ERC2: variants seen among roughly 807,000 people sequenced by gnomAD.
ERC2 encodes the protein ELKS/RAB6-interacting/CAST family member 2.
A neutral mutation model predicts 114.8 loss-of-function variants in ERC2; 42 were observed. That is an observed-to-expected ratio of 0.37 (90% CI 0.29 to 0.47). The LOEUF (loss-of-function observed/expected upper bound fraction) is 0.47. ERC2 is among the 20% of genes least tolerant of loss of function. The pLI, the probability that ERC2 is intolerant of heterozygous loss-of-function variation, is 0.99. For missense variants in ERC2, 939 were observed against 1,150.7 expected (o/e 0.82, Z 2.66); for synonymous variants, 454 against 425.5 (o/e 1.07, Z -0.82).
At chr3:55,865,113 C>T (rs2062238758) in intron 14 of ERC2, among the ~76,000 whole-genome samples, 2 of 151,872 alleles carry the variant, frequency 1.3e-5, no homozygotes, top group African/African-American at 4.8e-5. Flanking sequence ...CTGAAAAAGC[C>T]CTTTGTATAT....
intron 7 of ERC2, among the ~76,000 whole-genome samples, chr3:56,071,542 G>A (rs1330009308): frequency 6.6e-6 from 1 of 152,116 alleles, no homozygotes; most frequent in Non-Finnish European, 1.5e-5. Flanking sequence ...AATAATATTG[G>A]GTTGTGTACA....
chr3:55,528,877 C>T (rs2053499557), intron 17 of ERC2, among the ~76,000 whole-genome samples: 1 of 152,092 alleles, frequency 6.6e-6, no homozygotes, highest in Non-Finnish European at 1.5e-5. Flanking sequence ...GCCAAATGTC[C>T]CTGGGGGTGG....
chr3:55,869,648 G>A (rs1269765923), intron 14 of ERC2, among the ~76,000 whole-genome samples: 1 of 152,002 alleles, frequency 6.6e-6, no homozygotes, highest in Non-Finnish European at 1.5e-5. Flanking sequence ...TGATACCCAG[G>A]TCTTTGGTCT....
At chr3:56,141,439 C>A (rs2080849199) in intron 5 of ERC2, among the ~76,000 whole-genome samples, 1 of 152,144 alleles carries the variant, frequency 6.6e-6, no homozygotes, top group Non-Finnish European at 1.5e-5. Flanking sequence ...CCTGTGACCA[C>A]CATGGTGTGA....
intron 13 of ERC2, among the ~76,000 whole-genome samples, chr3:55,938,739 G>T (rs1307849295): frequency 6.6e-6 from 1 of 152,156 alleles, no homozygotes. Flanking sequence ...TAATGACACA[G>T]GGACGCTCTG....
chr3:55,855,405 A>G (rs371398288), intron 14 of ERC2, among the ~76,000 whole-genome samples: 6 of 152,268 alleles, frequency 3.9e-5, no homozygotes, highest in Admixed American at 2.6e-4. Flanking sequence ...CCAAACATAC[A>G]GTATTTATAT....
At position 56,360,646 on chromosome 3, in the gene ERC2, G is replaced by A. The variant is rs143270457; in HGVS notation, c.658-64211C>T. ...CAGAAGGCCAGCCACAGTGGCTCAC[G>A]CCTGTAATCCCAACATCTTGGGAGG... On this transcript the variant is annotated intron_variant, in intron 2 of 17. Coordinates refer to ENST00000288221, the MANE Select transcript of ERC2 (RefSeq NM_015576.3). Among the ~76,000 whole-genome samples, 262 of 152,266 alleles carry A rather than the reference G, an allele frequency of 1.7e-3. 1 individual carries two copies. The highest frequency in any genetic ancestry group is 5.9e-3 in the African/African-American group (244 of 41,576).
chr3:55,680,856 G>A (rs2062023640), intron 17 of ERC2, among the ~76,000 whole-genome samples: 1 of 152,208 alleles, frequency 6.6e-6, no homozygotes, highest in Non-Finnish European at 1.5e-5. Context: ...GCAGAATATA[G>A]GAATATATGT....
At chr3:56,036,375 A>T (rs918243509) in intron 7 of ERC2, among the ~76,000 whole-genome samples, 4 of 152,198 alleles carry the variant, frequency 2.6e-5, no homozygotes, top group Non-Finnish European at 5.9e-5. Context: ...ACCTTGCTAC[A>T]ATTAGGCAAG....
chr3:55,729,228 G>A (rs1409911147), intron 15 of ERC2, among the ~76,000 whole-genome samples: 2 of 152,056 alleles, frequency 1.3e-5, no homozygotes, highest in Non-Finnish European at 2.9e-5. Context: ...TTGCCTCCTT[G>A]CTCACTCTAC....
intron 3 of ERC2, among the ~76,000 whole-genome samples, chr3:56,261,893 G>A (rs1310491713): frequency 6.6e-6 from 1 of 152,052 alleles, no homozygotes; most frequent in Non-Finnish European, 1.5e-5. Context: ...TCCCCAGTGT[G>A]TGTTGTTCCC....
chr3:55,926,883 C>T (rs894003605), intron 13 of ERC2, among the ~76,000 whole-genome samples: 21 of 152,160 alleles, frequency 1.4e-4, no homozygotes, highest in African/African-American at 4.8e-4. Flanking sequence ...TAATACAGTT[C>T]CTGGCACTCA....
chr3:55,780,014 CACAGGAA>C (rs2068912785), intron 14 of ERC2, among the ~76,000 whole-genome samples: 1 of 151,938 alleles, frequency 6.6e-6, no homozygotes, highest in Non-Finnish European at 1.5e-5. Context: ...GATATAAAAT[CACAGGAA>C]ACTAAGAATA....
chr3:55,664,526 C>T (rs1161846387), intron 17 of ERC2, among the ~76,000 whole-genome samples: 2 of 152,194 alleles, frequency 1.3e-5, no homozygotes, highest in African/African-American at 2.4e-5. Flanking sequence ...AGAGGAGACG[C>T]CAGGCGGTGT....
At chr3:55,912,731 C>G (rs899581518) in intron 13 of ERC2, among the ~76,000 whole-genome samples, 2 of 151,596 alleles carry the variant, frequency 1.3e-5, no homozygotes, top group Non-Finnish European at 2.9e-5. Flanking sequence ...TTTCTCATTA[C>G]TCAAACCCAA....
intron 17 of ERC2, among the ~76,000 whole-genome samples, chr3:55,570,852 G>A (rs1315461881): frequency 1.3e-5 from 2 of 152,168 alleles, no homozygotes; most frequent in Non-Finnish European, 2.9e-5. Context: ...AGTGGGCCGG[G>A]CGCAGTGGCT....
intron 11 of ERC2, 51 bp downstream of exon 11, chr3:55,992,006 C>T (rs4974160): frequency 0.17 from 263,037 of 1,535,950 alleles, 24,011 homozygotes; most frequent in East Asian, 0.37. Context: ...TGGGCAACCA[C>T]GCAGTCCATG....
intron 14 of ERC2, among the ~76,000 whole-genome samples, chr3:55,864,194 T>C (rs544412434): frequency 6.3e-5 from 9 of 141,768 alleles, no homozygotes; most frequent in South Asian, 2.3e-4. Context: ...CATATATATA[T>C]ACACATATAT....
intron 6 of ERC2, among the ~76,000 whole-genome samples, chr3:56,125,877 A>G (rs1407053568): frequency 6.6e-6 from 1 of 152,248 alleles, no homozygotes; most frequent in East Asian, 1.9e-4. Flanking sequence ...TGGCTTATCC[A>G]TGTCAATGGG....
Sources: allele counts gnomAD v4.1 joint callset (sites outside exome capture counted in the v4.1 genomes callset), GRCh38; gene constraint gnomAD v4.1.1; transcripts MANE v1.5; gene names NCBI Gene and HGNC (gene_info 2026-07-23, HGNC 2026-07-21).